The following ATXN2 variants were observed in gnomAD, a reference collection of about 807,000 sequenced individuals.
ATXN2 encodes ataxin-2.
ATXN2 carries 37 observed loss-of-function variants against 138.6 expected under a neutral mutation model. The observed-to-expected ratio is 0.27, with a 90% CI of 0.21 to 0.35. The LOEUF is 0.35. Among genes scored for constraint, ATXN2 ranks in the 10% least tolerant of loss-of-function variants. The pLI is 1.00. For synonymous variants in ATXN2, 549 were observed against 543.7 expected, an observed-to-expected ratio of 1.01 and a Z score of -0.13; for missense variants, 1,216 against 1,480.3, an observed-to-expected ratio of 0.82 and a Z score of 2.93.
rs1387660926 is a variant in ATXN2, at chr12:111,464,718, G to A, written c.2843-3C>T. On this transcript the variant is annotated splice_region_variant and splice_polypyrimidine_tract_variant and intron_variant, in intron 20 of 24. Coordinates refer to ENST00000673436, the MANE Select transcript of ATXN2 (RefSeq NM_001372574.1). ...GTTGTATGGTAATTTGGGACATGCT[G>A]AATTTGGGAAATAGAAAGGTAAATT... is the stretch of plus-strand genomic sequence containing the variant. 12 of 1,610,014 alleles carry A rather than the reference G, an allele frequency of 7.5e-6. No homozygotes were observed. Among genetic ancestry groups the A allele is most frequent in the Middle Eastern group, 3.3e-4 (2 of 6,048 alleles).
At position 111,453,571 on chromosome 12, in the gene ATXN2, T is replaced by C. The variant is rs1301834929; in HGVS notation, c.3439+106A>G. 9 of 1,450,734 alleles carry C rather than the reference T, an allele frequency of 6.2e-6. No homozygotes were observed. Among genetic ancestry groups the C allele is most frequent in the Non-Finnish European group, 8.2e-6 (9 of 1,100,356 alleles). 89.9% of individuals were successfully genotyped at this position (1,450,734 alleles called of 1,614,324 possible). Reference sequence around the variant, plus strand: ...GTGCACACTCCTGGACGGGTCTTGCTAGTTCTCAAATGCGGGGCTTGAAGC... The same window carrying C: ...GTGCACACTCCTGGACGGGTCTTGCCAGTTCTCAAATGCGGGGCTTGAAGC... On this transcript the variant is annotated intron_variant, in intron 24 of 24. Transcript: ENST00000673436. The surrounding 1 kb of genome is among the most constrained non-coding windows in gnomAD (Gnocchi z 5.4).
chr12:111,466,043 G>A (rs1875986069), intron 20 of ATXN2, among the ~76,000 whole-genome samples: 1 of 151,714 alleles, frequency 6.6e-6, no homozygotes. Context: ...GCGGGCACCT[G>A]TAGTCCCAGC....
At chr12:111,492,205 G>C (rs1878078894) in intron 14 of ATXN2, among the ~76,000 whole-genome samples, 1 of 152,102 alleles carries the variant, frequency 6.6e-6, no homozygotes, top group African/African-American at 2.4e-5. Context: ...AAATGTAAGA[G>C]GACAAGAGAC....
intron 18 of ATXN2, among the ~76,000 whole-genome samples, chr12:111,472,443 TC>T (rs959830882): frequency 6.6e-6 from 1 of 152,192 alleles, no homozygotes. Context: ...ATATGGTACT[TC>T]ATAAGTAATT....
At chr12:111,596,710 G>A (rs1020876413) in intron 1 of ATXN2, among the ~76,000 whole-genome samples, 9 of 151,998 alleles carry the variant, frequency 5.9e-5, no homozygotes, top group Non-Finnish European at 1.0e-4. Flanking sequence ...AAAGAATAAG[G>A]GCTGCCATTT....
intron 5 of ATXN2, among the ~76,000 whole-genome samples, chr12:111,540,659 C>G (rs973451541): frequency 6.9e-6 from 1 of 144,190 alleles, no homozygotes; most frequent in Non-Finnish European, 1.5e-5. Context: ...TGTGGCATGT[C>G]TTTTTAAATG....
At chr12:111,517,229 C>T (rs1263239138) in intron 9 of ATXN2, among the ~76,000 whole-genome samples, 2 of 152,090 alleles carry the variant, frequency 1.3e-5, no homozygotes, top group Admixed American at 6.5e-5. Flanking sequence ...CCATAGGGTT[C>T]CACACACTTA....
intron 21 of ATXN2, chr12:111,458,026 G>A (rs1462625790): frequency 6.6e-6 from 1 of 152,198 alleles, no homozygotes; most frequent in Non-Finnish European, 1.5e-5. Flanking sequence ...TAACTTCAAA[G>A]GACAACATGA....
intron 14 of ATXN2, among the ~76,000 whole-genome samples, chr12:111,496,586 A>C (rs1878435554): frequency 6.6e-6 from 1 of 152,110 alleles, no homozygotes; most frequent in Non-Finnish European, 1.5e-5. Flanking sequence ...AACAAGAGGA[A>C]CTTTGGAAAG....
chr12:111,540,521 CTGAA>C (rs1881438547), intron 5 of ATXN2, among the ~76,000 whole-genome samples: 1 of 150,564 alleles, frequency 6.6e-6, no homozygotes. Context: ...TGCTTTAAAA[CTGAA>C]TTTCTTTAAA....
At chr12:111,588,876 T>C (rs1884483913) in intron 1 of ATXN2, among the ~76,000 whole-genome samples, 1 of 149,692 alleles carries the variant, frequency 6.7e-6, no homozygotes, top group Non-Finnish European at 1.5e-5. Flanking sequence ...GCGCATGTAG[T>C]CCCAGCTACT....
At position 111,539,198 on chromosome 12, in the gene ATXN2, C is replaced by T. The variant is rs982324798; in HGVS notation, c.571+13082G>A. Among the ~76,000 whole-genome samples the T allele has an allele frequency of 4.7e-5, 7 of 150,038 alleles. 1 individual carries two copies. Among genetic ancestry groups the T allele is most frequent in the Non-Finnish European group, 9.0e-5 (6 of 66,974 alleles). ...GTGCCATCTCAAAATATGAAATTAG[C>T]CTAGGCCTGGTGTGATAGCTTAAGC... On this transcript the variant is annotated intron_variant, in intron 5 of 24. Coordinates refer to ENST00000673436, the MANE Select transcript of ATXN2 (RefSeq NM_001372574.1).
Position 111,599,299 on chromosome 12 carries a change from G to T in ATXN2, c.-265C>A. On this transcript the variant is annotated 5_prime_UTR_variant, in exon 1 of 25. Transcript: ENST00000673436. ...CGTTGCTACCAAAACAGTCTGAGGC[G>T]GAGGGAGGCGAGCTCTGCCGGGAGG... 1 of 1,184,670 alleles carries T rather than the reference G, an allele frequency of 8.4e-7. No individual in the cohort carries two copies. Among genetic ancestry groups the T allele is most frequent in the African/African-American group, 1.6e-5 (1 of 61,654 alleles). The allele number at this position is 1,184,670 out of a possible 1,614,324, so 73.4% of individuals were successfully genotyped here.
At chr12:111,457,524 A>G (rs1227704382) in intron 21 of ATXN2, 165 bp from the exon 22 acceptor site, 22 of 740,264 alleles carry the variant, frequency 3.0e-5, no homozygotes, top group Admixed American at 2.7e-4. Flanking sequence ...TCTTGAAAAA[A>G]TAAGTGTAGC....
chr12:111,535,626 A>T (rs1385753203), intron 5 of ATXN2, among the ~76,000 whole-genome samples: 2 of 151,742 alleles, frequency 1.3e-5, no homozygotes, highest in African/African-American at 4.8e-5. Context: ...CAACTCAAAA[A>T]CAAACAAAAA....
intron 1 of ATXN2, among the ~76,000 whole-genome samples, chr12:111,588,541 T>C (rs538626831): frequency 1.3e-5 from 2 of 148,698 alleles, no homozygotes; most frequent in African/African-American, 5.0e-5. Flanking sequence ...AAAATCGCTT[T>C]AACCTGGGAG....
intron 21 of ATXN2, among the ~76,000 whole-genome samples, chr12:111,462,817 CCTA>C (rs1345069131): frequency 6.6e-6 from 1 of 152,142 alleles, no homozygotes; most frequent in Non-Finnish European, 1.5e-5. Context: ...AATAAAATCA[CCTA>C]CTATCTTTTA....
rs1477221359 is a variant in ATXN2, at chr12:111,599,306, G to T, written c.-272C>A. 2.6e-6 allele frequency: 3 copies of T among 1,166,598 alleles called. No homozygotes were observed. Among genetic ancestry groups the T allele is most frequent in the Non-Finnish European group, 3.2e-6 (3 of 948,828 alleles). 72.3% of individuals were successfully genotyped at this position (1,166,598 alleles called of 1,614,324 possible). ...ACCAAAACAGTCTGAGGCGGAGGGA[G>T]GCGAGCTCTGCCGGGAGGGAGGGGG... On this transcript the variant is annotated 5_prime_UTR_variant, in exon 1 of 25. Coordinates refer to ENST00000673436, the MANE Select transcript of ATXN2 (RefSeq NM_001372574.1).
chr12:111,499,584 G>C lies in ATXN2; in HGVS notation c.1935+9965C>G, dbSNP rs1878624126. 2.0e-5 allele frequency among the ~76,000 whole-genome samples: 3 copies of C among 151,946 alleles called. No individual in the cohort carries two copies. In the South Asian group the frequency reaches 6.2e-4, roughly 32 times the overall value. ...GCAGACATGGTGGCAGGAGGCAGGA[G>C]AATTGCTTGAATCCGGGAGGTGTAG... is the stretch of plus-strand genomic sequence containing the variant. On this transcript the variant is annotated intron_variant, in intron 14 of 24. Coordinates refer to ENST00000673436, the MANE Select transcript of ATXN2 (RefSeq NM_001372574.1).
Sources: allele counts gnomAD v4.1 joint callset (sites outside exome capture counted in the v4.1 genomes callset), GRCh38; gene constraint gnomAD v4.1.1; non-coding constraint Gnocchi (gnomAD v3.1); transcripts MANE v1.5; gene names NCBI Gene and HGNC (gene_info 2026-07-23, HGNC 2026-07-21).